Variants in SLMAP observed in about 807,000 individuals in gnomAD.
SLMAP encodes the protein sarcolemma associated protein, also known as sarcolemmal membrane-associated protein.
A neutral mutation model predicts 128.8 loss-of-function variants in SLMAP; 44 were observed. That is an observed-to-expected ratio of 0.34 (90% CI 0.27 to 0.44). The LOEUF is 0.44. Ranked by LOEUF, SLMAP falls within the 20% of genes least tolerant of loss-of-function variation. SLMAP has a pLI of 1.00. For synonymous variants in SLMAP, 327 were observed against 348.8 expected (o/e 0.94, Z 0.70); for missense variants, 787 against 985.3 (o/e 0.80, Z 2.69).
intron 2 of SLMAP, among the ~76,000 whole-genome samples, chr3:57,791,061 C>T (rs1176328330): frequency 2.0e-5 from 3 of 151,934 alleles, no homozygotes; most frequent in Non-Finnish European, 4.4e-5. Context: ...AGCAGTCTTA[C>T]TTTTAAAAAA....
intron 2 of SLMAP, among the ~76,000 whole-genome samples, chr3:57,801,715 T>A (rs889722125): frequency 2.3e-4 from 35 of 152,158 alleles, no homozygotes; most frequent in Admixed American, 4.6e-4. Flanking sequence ...ATTCATTTTT[T>A]AAATTATTTC....
chr3:57,881,578 C>T (rs2095745558), intron 14 of SLMAP, among the ~76,000 whole-genome samples: 1 of 152,190 alleles, frequency 6.6e-6, no homozygotes, highest in Admixed American at 6.5e-5. Context: ...CTGCCTCAGC[C>T]TCCCGAGTAG....
intron 2 of SLMAP, among the ~76,000 whole-genome samples, chr3:57,794,009 G>T (rs140911278): frequency 6.6e-6 from 1 of 152,010 alleles, no homozygotes; most frequent in South Asian, 2.1e-4. Flanking sequence ...TAGGACTGCC[G>T]TGAGATGTGT....
At chr3:57,920,737 G>A (rs531229347) in intron 22 of SLMAP, among the ~76,000 whole-genome samples, 5 of 152,174 alleles carry the variant, frequency 3.3e-5, no homozygotes, top group African/African-American at 4.8e-5. Context: ...GAATAGGGCC[G>A]GGTGCGGTGG....
rs1237363302 is a variant in SLMAP at position 57,920,814 on chromosome 3, A to C, written c.2311-2075A>C. 2.0e-5 allele frequency among the ~76,000 whole-genome samples: 3 copies of C among 152,116 alleles called. 1 individual carries two copies. The East Asian group carries it at 5.8e-4, about 29-fold the overall frequency. ...TGGATCACTCAAGGTCAGGAGTTCGAGACCAGCCTGACCAACAAGGTGAAA... is the reference window on the plus strand; with the variant it reads ...TGGATCACTCAAGGTCAGGAGTTCGCGACCAGCCTGACCAACAAGGTGAAA... On this transcript the variant is annotated intron_variant, in intron 22 of 24. Coordinates refer to ENST00000671191, the MANE Select transcript of SLMAP (RefSeq NM_001377540.1).
intron 17 of SLMAP, chr3:57,900,139 C>T (rs2096341048): frequency 6.6e-6 from 1 of 152,176 alleles, no homozygotes; most frequent in Middle Eastern, 3.2e-3. Context: ...TTATTTTCCT[C>T]ATTCAAACTT....
chr3:57,795,555 A>G (rs2086535651), intron 2 of SLMAP, among the ~76,000 whole-genome samples: 1 of 152,174 alleles, frequency 6.6e-6, no homozygotes, highest in Non-Finnish European at 1.5e-5. Flanking sequence ...AGAAAAAAAG[A>G]AAAGAAAAAT....
At chr3:57,922,136 A>T (rs2096930646) in intron 22 of SLMAP, among the ~76,000 whole-genome samples, 1 of 152,230 alleles carries the variant, frequency 6.6e-6, no homozygotes, top group Non-Finnish European at 1.5e-5. Flanking sequence ...ATGCTGGGTA[A>T]AGGGAAACCT....
intron 2 of SLMAP, among the ~76,000 whole-genome samples, chr3:57,773,624 G>A (rs938837102): frequency 1.3e-5 from 2 of 152,072 alleles, no homozygotes; most frequent in Admixed American, 6.6e-5. Context: ...AATTCATCTC[G>A]ATAACCCAAT....
chr3:57,762,411 C>T (rs570236625), intron 2 of SLMAP, among the ~76,000 whole-genome samples: 67 of 151,642 alleles, frequency 4.4e-4, no homozygotes, highest in Middle Eastern at 3.4e-3. Context: ...ACACTTGAAA[C>T]TTTATGATTA....
At chr3:57,786,529 C>CT (rs1383361462) in intron 2 of SLMAP, among the ~76,000 whole-genome samples, 2 of 150,458 alleles carry the variant, frequency 1.3e-5, no homozygotes, top group Non-Finnish European at 3.0e-5. Flanking sequence ...TCGTTCCCAA[C>CT]TTCCCAAGTG....
intron 14 of SLMAP, among the ~76,000 whole-genome samples, chr3:57,877,084 G>T (rs1445387211): frequency 6.6e-6 from 1 of 151,392 alleles, no homozygotes; most frequent in Non-Finnish European, 1.5e-5. Flanking sequence ...TTCTTAATCC[G>T]TGTTTGTTAT....
intron 2 of SLMAP, chr3:57,800,900 ACC>A (rs1452985487): frequency 1.5e-5 from 3 of 197,568 alleles, no homozygotes; most frequent in African/African-American, 2.3e-5. Context: ...CCAAGCCAAT[ACC>A]AGCTCCCAGG....
At chr3:57,897,103 T>C (rs1484625374) in intron 17 of SLMAP, 171 bp downstream of exon 17, 1 of 1,373,570 alleles carries the variant, frequency 7.3e-7, no homozygotes, top group African/African-American at 1.5e-5. Context: ...ATACCCAATA[T>C]TTCAAACTAT....
intron 8 of SLMAP, among the ~76,000 whole-genome samples, chr3:57,858,763 A>G (rs936420653): frequency 3.3e-5 from 5 of 152,086 alleles, no homozygotes; most frequent in African/African-American, 4.8e-5. Flanking sequence ...ACCGACATGG[A>G]GAAATCCCAT....
At chr3:57,877,645 CT>C (rs35139360) in intron 14 of SLMAP, among the ~76,000 whole-genome samples, 8 of 152,060 alleles carry the variant, frequency 5.3e-5, no homozygotes, top group Non-Finnish European at 1.2e-4. Flanking sequence ...AGTCAGCCCA[CT>C]TTCTAACATA....
intron 2 of SLMAP, among the ~76,000 whole-genome samples, chr3:57,790,827 G>C (rs575818908): frequency 6.6e-6 from 1 of 152,254 alleles, no homozygotes; most frequent in African/African-American, 2.4e-5. Flanking sequence ...AATATTCACT[G>C]TAAATTTTAA....
At chr3:57,800,075 T>G (rs1471175131) in intron 2 of SLMAP, 1 of 152,212 alleles carries the variant, frequency 6.6e-6, no homozygotes, top group African/African-American at 2.4e-5. Context: ...ATCCACTGAT[T>G]TACATCATAA....
At chr3:57,921,646 A>G (rs1356510069) in intron 22 of SLMAP, among the ~76,000 whole-genome samples, 1 of 152,216 alleles carries the variant, frequency 6.6e-6, no homozygotes, top group Non-Finnish European at 1.5e-5. Context: ...CAAATAAAAT[A>G]AAAATAAAAT....
Sources: gnomAD v4.1 joint callset for allele counts (sites outside exome capture counted in the v4.1 genomes callset) on GRCh38, gnomAD v4.1.1 for gene constraint, MANE v1.5 for transcripts, NCBI Gene and HGNC (gene_info 2026-07-23, HGNC 2026-07-21) for gene names.